The following PRKAG2 variants were observed in gnomAD, a reference collection of about 807,000 sequenced individuals.
The protein encoded by PRKAG2 is 5'-AMP-activated protein kinase subunit gamma-2.
In PRKAG2, 26 loss-of-function variants were observed where a neutral mutation model predicts 69.6. The ratio of observed to expected loss-of-function variants is 0.37; its 90% confidence interval spans 0.27 to 0.52. The LOEUF is 0.52. Among genes scored for constraint, PRKAG2 ranks in the 20% least tolerant of loss-of-function variants. PRKAG2 has a pLI of 0.90. For missense variants in PRKAG2, 557 were observed against 740.0 expected, an observed-to-expected ratio of 0.75 and a Z score of 2.87; for synonymous variants, 293 against 285.0, an observed-to-expected ratio of 1.03 and a Z score of -0.28.
intron 1 of PRKAG2, among the ~76,000 whole-genome samples, chr7:151,874,149 T>C (rs562106289): frequency 1.4e-5 from 2 of 139,292 alleles, no homozygotes; most frequent in East Asian, 4.3e-4. Flanking sequence ...TATATGTATA[T>C]GTATATGATG....
chr7:151,633,623 G>A (rs1825207184), intron 4 of PRKAG2, among the ~76,000 whole-genome samples: 1 of 151,468 alleles, frequency 6.6e-6, no homozygotes, highest in Non-Finnish European at 1.5e-5. Context: ...ATGAACACAT[G>A]GAAAAATATA....
intron 1 of PRKAG2, among the ~76,000 whole-genome samples, chr7:151,787,490 A>G (rs1413773337): frequency 6.6e-6 from 1 of 152,080 alleles, no homozygotes; most frequent in Non-Finnish European, 1.5e-5. Flanking sequence ...CACTTAGCAT[A>G]ATGTCTTCAA....
Position 151,781,315 on chromosome 7 carries a change from A to G in PRKAG2, c.303T>C (p.Ser101=), listed in dbSNP as rs774628602. 9 of 1,613,926 alleles carry G rather than the reference A, an allele frequency of 5.6e-6. No individual in the cohort carries two copies. The Middle Eastern group carries it at 6.6e-4, about 118-fold the overall frequency. The change falls in exon 3 of 16, where the codon TCT becomes TCC. Residue 101 remains serine (S), a synonymous_variant. Coordinates refer to ENST00000287878, the MANE Select transcript of PRKAG2 (RefSeq NM_016203.4). This position sits in a 1 kb window ranked among gnomAD's most constrained non-coding sequence, Gnocchi z 6.1. ...APVRPKTSPG[S]PKTVFPFSYQ... ...AGGAGAACGGGAACACGGTTTTGGGAGAGCCGGGGCTGGTCTTGGGCCTCA... is the reference window on the plus strand; with the variant it reads ...AGGAGAACGGGAACACGGTTTTGGGGGAGCCGGGGCTGGTCTTGGGCCTCA...
intron 1 of PRKAG2, chr7:151,806,905 G>A (rs1234548509): frequency 2.3e-6 from 1 of 440,270 alleles, no homozygotes; most frequent in Admixed American, 2.6e-5. Flanking sequence ...GATGGAGGTT[G>A]AAGTGAGCCA....
chr7:151,729,911 C>A (rs967151975), intron 3 of PRKAG2, among the ~76,000 whole-genome samples: 1 of 152,198 alleles, frequency 6.6e-6, no homozygotes, highest in Non-Finnish European at 1.5e-5. Flanking sequence ...CGTTTGCCAT[C>A]GAAACAAGGC....
intron 1 of PRKAG2, among the ~76,000 whole-genome samples, chr7:151,827,744 G>GAAAAAAAA (rs2078932406): frequency 3.1e-5 from 1 of 32,138 alleles, no homozygotes; most frequent in Non-Finnish European, 7.2e-5. Context: ...GTGGCCTTAG[G>GAAAAAAAA]TAAAAAAAAA....
rs750011563 is a variant in PRKAG2 at position 151,675,408 on chromosome 7, G to C, written c.684+12C>G. 2 of 1,612,336 alleles carry C rather than the reference G, an allele frequency of 1.2e-6. No homozygotes were observed. The highest frequency in any genetic ancestry group is 3.3e-4 in the Middle Eastern group (2 of 6,062). On this transcript the variant is annotated intron_variant, in intron 4 of 15. Coordinates refer to ENST00000287878, the MANE Select transcript of PRKAG2 (RefSeq NM_016203.4). ...ACCCGGCAGCCCCACCCACAGAAGG[G>C]CCCAGACTTACGGCTTTGGAGGGAG...
rs559450100 is a variant in PRKAG2, at chr7:151,688,000, T to C, written c.467-12363A>G. On this transcript the variant is annotated intron_variant, in intron 3 of 15. Coordinates refer to ENST00000287878, the MANE Select transcript of PRKAG2 (RefSeq NM_016203.4). ...AAGGCCAAGACTTGGCACTTTGGGT[T>C]TGGAAGGGGAGGGAGGAGGAGGAGG... Among the ~76,000 whole-genome samples the C allele has an allele frequency of 2.4e-4, 23 of 96,586 alleles. No individual in the cohort carries two copies. In the South Asian group the frequency reaches 3.7e-3, roughly 16 times the overall value. The allele number at this position is 96,586 out of a possible 152,430, so 63.4% of individuals were successfully genotyped here.
At chr7:151,596,569 A>G (rs550990999) in intron 5 of PRKAG2, among the ~76,000 whole-genome samples, 1 of 151,996 alleles carries the variant, frequency 6.6e-6, no homozygotes, top group African/African-American at 2.4e-5. Context: ...GCCAATATGG[A>G]GAAACCCCGT....
Position 151,855,497 on chromosome 7 carries a change from A to G in PRKAG2, c.114+21010T>C, listed in dbSNP as rs373921362. Among the ~76,000 whole-genome samples the G allele has an allele frequency of 5.5e-3, 339 of 61,994 alleles. 1 individual carries two copies. Among genetic ancestry groups the G allele is most frequent in the East Asian group, 0.052 (49 of 942 alleles). 40.7% of individuals were successfully genotyped at this position (61,994 alleles called of 152,430 possible). A position where few individuals can be genotyped will look rare whatever the true frequency, so the allele number is the denominator to read the frequency against. Reference sequence around the variant, plus strand: ...CTCCACACACCACCCTCCACACACCACCCTCCACACACACCGCCCTCCACA... The same window carrying G: ...CTCCACACACCACCCTCCACACACCGCCCTCCACACACACCGCCCTCCACA... On this transcript the variant is annotated intron_variant, in intron 1 of 15. Coordinates refer to ENST00000287878, the MANE Select transcript of PRKAG2 (RefSeq NM_016203.4).
intron 3 of PRKAG2, among the ~76,000 whole-genome samples, chr7:151,764,282 C>T (rs2075607290): frequency 6.6e-6 from 1 of 152,228 alleles, no homozygotes; most frequent in Admixed American, 6.5e-5. Context: ...GGCCACTGCC[C>T]TGGGCCAAAG....
At position 151,781,345 on chromosome 7, in the gene PRKAG2, T is replaced by C. The variant is rs780367583; in HGVS notation, c.273A>G (p.Ala91=). ...PQPRPSSPMS[A]PVRPKTSPGS... ...CGGGGCTGGTCTTGGGCCTCACAGG[T>C]GCAGACATGGGGCTGGAGGGCCGGG... Residue 91 remains alanine, a synonymous_variant, in exon 3 of 16, where the codon GCA becomes GCG. Coordinates refer to ENST00000287878, the MANE Select transcript of PRKAG2 (RefSeq NM_016203.4). This position sits in a 1 kb window ranked among gnomAD's most constrained non-coding sequence, Gnocchi z 6.1. 1 of 1,613,426 alleles carries C rather than the reference T, an allele frequency of 6.2e-7. No homozygotes were observed.
At chr7:151,660,940 A>G (rs903668245) in intron 4 of PRKAG2, among the ~76,000 whole-genome samples, 1 of 152,198 alleles carries the variant, frequency 6.6e-6, no homozygotes. Context: ...CATCTTAACC[A>G]TTTTTCAGTA....
intron 1 of PRKAG2, among the ~76,000 whole-genome samples, chr7:151,862,448 G>C (rs12703164): frequency 0.27 from 41,746 of 152,042 alleles, 6,567 homozygotes; most frequent in East Asian, 0.42. Context: ...AAATTGGGTC[G>C]TCGAGTTAAC....
intron 14 of PRKAG2, 56 bp from the exon 15 acceptor site, chr7:151,560,673 G>A: frequency 6.2e-7 from 1 of 1,601,320 alleles, no homozygotes; most frequent in Admixed American, 1.7e-5. Flanking sequence ...GGTTTAAAAT[G>A]GACATGAGAA....
At chr7:151,702,574 C>T (rs112164140) in intron 3 of PRKAG2, among the ~76,000 whole-genome samples, 5 of 152,358 alleles carry the variant, frequency 3.3e-5, no homozygotes, top group East Asian at 1.9e-4. Context: ...CTGCCAGGTC[C>T]GCTCTGTACA....
At chr7:151,863,244 G>A (rs540743602) in intron 1 of PRKAG2, among the ~76,000 whole-genome samples, 2 of 151,678 alleles carry the variant, frequency 1.3e-5, no homozygotes, top group African/African-American at 4.9e-5. Flanking sequence ...AGGTACAGGG[G>A]GCACTGGTAA....
rs61417635 is a variant in PRKAG2 at position 151,688,042 on chromosome 7, G to GCCCCCCCCCCCCCCC, written c.467-12406_467-12405insGGGGGGGGGGGGGGG. Among the ~76,000 whole-genome samples the GCCCCCCCCCCCCCCC allele has an allele frequency of 3.6e-4, 38 of 107,022 alleles. 12 individuals are homozygous for GCCCCCCCCCCCCCCC. The highest frequency in any genetic ancestry group is 5.8e-4 in the East Asian group (2 of 3,462). 70.2% of individuals were successfully genotyped at this position (107,022 alleles called of 152,430 possible). Reference sequence around the variant, plus strand: ...AGGAGGAGGAGGAGGAGGAAATGAGGCCCCCCCCCGGGCTCCTTGCTGAGT... The same window carrying GCCCCCCCCCCCCCCC: ...AGGAGGAGGAGGAGGAGGAAATGAGGCCCCCCCCCCCCCCCCCCCCCCCCGGGCTCCTTGCTGAGT... On this transcript the variant is annotated intron_variant, in intron 3 of 15. Coordinates refer to ENST00000287878, the MANE Select transcript of PRKAG2 (RefSeq NM_016203.4).
intron 6 of PRKAG2, among the ~76,000 whole-genome samples, chr7:151,585,616 T>C (rs1480806886): frequency 6.6e-6 from 1 of 152,240 alleles, no homozygotes; most frequent in Non-Finnish European, 1.5e-5. Flanking sequence ...CAAGTGATCC[T>C]ATGTATAAAT....
Sources: gnomAD v4.1 joint callset for allele counts (sites outside exome capture counted in the v4.1 genomes callset) on GRCh38, gnomAD v4.1.1 for gene constraint, Gnocchi (gnomAD v3.1) non-coding constraint, MANE v1.5 for transcripts, NCBI Gene and HGNC (gene_info 2026-07-23, HGNC 2026-07-21) for gene names.